Variants in NF1 observed in about 807,000 individuals in gnomAD.
NF1 encodes the protein neurofibromin.
NF1 carries 122 observed loss-of-function variants against 325.7 expected under a neutral mutation model. The observed-to-expected ratio is 0.37, with a 90% confidence interval of 0.32 to 0.44. The LOEUF (loss-of-function observed/expected upper bound fraction) is 0.44, where lower values mean the gene tolerates loss of function less well. NF1 is among the 20% of genes least tolerant of loss of function. The pLI, the probability that NF1 is intolerant of heterozygous loss-of-function variation, is 1.00. For missense variants in NF1, 2,140 were observed against 3,415.4 expected (o/e 0.63, Z 9.31); for synonymous variants, 1,091 against 1,186.0 (o/e 0.92, Z 1.65).
intron 12 of NF1, among the ~76,000 whole-genome samples, chr17:31,207,715 G>A (rs981828601): frequency 6.6e-6 from 1 of 151,918 alleles, no homozygotes; most frequent in Non-Finnish European, 1.5e-5. Context: ...ATAAATAATA[G>A]CTGTTTAAAT....
At chr17:31,199,694 C>T (rs1398324366) in intron 8 of NF1, among the ~76,000 whole-genome samples, 1 of 152,086 alleles carries the variant, frequency 6.6e-6, no homozygotes, top group African/African-American at 2.4e-5. Flanking sequence ...AGCAACAGAA[C>T]AGCCTTGAAT....
chr17:31,226,370 T>C (rs969873964), intron 17 of NF1, 65 bp from the exon 18 acceptor site: 1 of 1,333,378 alleles, frequency 7.5e-7, no homozygotes, highest in East Asian at 3.1e-5. Flanking sequence ...GTTTATTGCA[T>C]TGTTAGATTT....
chr17:31,352,288 C>T lies in NF1; in HGVS notation c.7489C>T (p.Pro2497Ser), dbSNP rs1336098547. 6.2e-7 allele frequency: 1 copy of T among 1,614,104 alleles called. No homozygotes were observed. Among genetic ancestry groups the T allele is most frequent in the South Asian group, 1.1e-5 (1 of 91,082 alleles). ...AAAGGAGACTCAGCCATGGTCCTCT[C>T]CCAAAGGTTCTGAAGGATACCTTGC... ...TLKETQPWSS[P>S]KGSEGYLAAT... Residue 2497 changes from proline to serine, a missense_variant, in exon 51 of 58, where the codon CCC becomes TCC. Transcript: ENST00000358273.
chr17:31,296,284 CAG>C (rs1413306455), intron 36 of NF1: 11 of 1,613,982 alleles, frequency 6.8e-6, no homozygotes, highest in Non-Finnish European at 9.3e-6. Flanking sequence ...GTGTGAGAAA[CAG>C]AAGGATGAAC....
Position 31,327,213 on chromosome 17 carries a change from C to T in NF1, c.5269-286C>T, listed in dbSNP as rs956220174. Among the ~76,000 whole-genome samples, 2 of 152,150 alleles carry T rather than the reference C, an allele frequency of 1.3e-5. No homozygotes were observed. The highest frequency in any genetic ancestry group is 1.9e-4 in the East Asian group (1 of 5,192). ...CTGACCTCAAGTGATCTGCCCACCT[C>T]GGCCTCCCAAAGTGCTGGGATTACA... is the stretch of plus-strand genomic sequence containing the variant. On this transcript the variant is annotated intron_variant, in intron 37 of 57. Transcript: ENST00000358273.
chr17:31,299,914 T>C (rs1392988225), intron 36 of NF1, among the ~76,000 whole-genome samples: 1 of 152,120 alleles, frequency 6.6e-6, no homozygotes, highest in Non-Finnish European at 1.5e-5. Flanking sequence ...TTTGTTCTTC[T>C]GTCCCCCATA....
intron 51 of NF1, among the ~76,000 whole-genome samples, chr17:31,355,402 G>A (rs1037721702): frequency 6.6e-6 from 1 of 151,906 alleles, no homozygotes; most frequent in South Asian, 2.1e-4. Flanking sequence ...CGAAGAAGCC[G>A]GACTAGATCC....
chr17:31,227,072 G>C (rs2067027382), intron 18 of NF1, 146 bp from the exon 19 acceptor site: 1 of 793,970 alleles, frequency 1.3e-6, no homozygotes, highest in African/African-American at 1.7e-5. Context: ...CCTTTCCTGT[G>C]AGGTTAGTGA....
At chr17:31,166,006 A>G (rs1212581517) in intron 4 of NF1, among the ~76,000 whole-genome samples, 1 of 152,062 alleles carries the variant, frequency 6.6e-6, no homozygotes, top group Non-Finnish European at 1.5e-5. Context: ...TATAAATCTT[A>G]AGATAGCTTT....
intron 1 of NF1, among the ~76,000 whole-genome samples, chr17:31,095,825 C>G (rs747981580): frequency 1.3e-5 from 2 of 152,102 alleles, no homozygotes; most frequent in African/African-American, 2.4e-5. Flanking sequence ...AACCCTAAGG[C>G]CTGTCTTATA....
intron 1 of NF1, among the ~76,000 whole-genome samples, chr17:31,126,622 T>TG (rs1914908789): frequency 6.6e-6 from 1 of 151,978 alleles, no homozygotes; most frequent in African/African-American, 2.4e-5. Context: ...TTGTATTTTT[T>TG]GTGGAGATGG....
intron 36 of NF1, among the ~76,000 whole-genome samples, chr17:31,282,615 C>T (rs775747090): frequency 3.3e-5 from 5 of 152,066 alleles, no homozygotes; most frequent in Non-Finnish European, 5.9e-5. Context: ...ACAATATGTG[C>T]TCTTTTGTGA....
chr17:31,245,509 G>A (rs2151447585), intron 29 of NF1, among the ~76,000 whole-genome samples: 1 of 152,328 alleles, frequency 6.6e-6, no homozygotes, highest in South Asian at 2.1e-4. Flanking sequence ...GCCCCAGGTT[G>A]TTACCTGTGC....
intron 3 of NF1, among the ~76,000 whole-genome samples, chr17:31,160,560 A>T (rs1263136086): frequency 6.6e-6 from 1 of 152,212 alleles, no homozygotes; most frequent in Non-Finnish European, 1.5e-5. Context: ...GTGAAAGAGC[A>T]AAAGAGCTGT....
intron 1 of NF1, chr17:31,137,220 G>T (rs1915846295): frequency 6.6e-6 from 1 of 152,052 alleles, no homozygotes; most frequent in African/African-American, 2.4e-5. Context: ...GACATTTGTT[G>T]TTGTCTAACA....
chr17:31,210,821 TAGTTATTTA>T (rs2066716792), intron 12 of NF1, among the ~76,000 whole-genome samples: 1 of 152,320 alleles, frequency 6.6e-6, no homozygotes, highest in Non-Finnish European at 1.5e-5. Flanking sequence ...GTTGACTTTT[TAGTTATTTA>T]AACTCTTTGG....
intron 36 of NF1, chr17:31,296,113 C>T (rs1274987878): frequency 3.7e-6 from 6 of 1,611,046 alleles, no homozygotes; most frequent in Non-Finnish European, 5.1e-6. Context: ...ATTGGGTTAA[C>T]TGGTTATGCA....
Position 31,182,611 on chromosome 17 carries a change from A to G in NF1, c.834A>G (p.Pro278=), listed in dbSNP as rs1318820078. The change falls in exon 8 of 58, where the codon CCA becomes CCG. Residue 278 remains proline (P), a synonymous_variant. Coordinates refer to ENST00000358273, the MANE Select transcript of NF1 (RefSeq NM_001042492.3). The part of the protein sequence containing the change: ...PLQIILLILC[P]EIIQDISKDV... ...AAATCATTCTCCTTATCTTGTGTCCAGAAATAATCCAGGATATATCCAAAG... is the reference window on the plus strand; with the variant it reads ...AAATCATTCTCCTTATCTTGTGTCCGGAAATAATCCAGGATATATCCAAAG... 1 of 1,614,024 alleles carries G rather than the reference A, an allele frequency of 6.2e-7. No homozygotes were observed. Among genetic ancestry groups the G allele is most frequent in the Non-Finnish European group, 8.5e-7 (1 of 1,179,926 alleles).
chr17:31,213,688 T>C (rs1239255170), intron 12 of NF1, among the ~76,000 whole-genome samples: 1 of 152,212 alleles, frequency 6.6e-6, no homozygotes, highest in Non-Finnish European at 1.5e-5. Flanking sequence ...CATTTATAAT[T>C]ATTTTAATTC....
Sources: gnomAD v4.1 joint callset for allele counts (sites outside exome capture counted in the v4.1 genomes callset) on GRCh38, gnomAD v4.1.1 for gene constraint, MANE v1.5 for transcripts, NCBI Gene and HGNC (gene_info 2026-07-23, HGNC 2026-07-21) for gene names.